The following SEMA5A variants were observed in gnomAD, a reference collection of about 807,000 sequenced individuals.
SEMA5A encodes semaphorin-5A.
Under a neutral mutation model 135.5 loss-of-function variants are expected in SEMA5A, and 55 were observed. The ratio of observed to expected loss-of-function variants is 0.41; its 90% CI spans 0.33 to 0.51. The LOEUF is 0.51. Ranked by LOEUF, SEMA5A falls within the 20% of genes least tolerant of loss-of-function variation. The pLI, the probability that SEMA5A is intolerant of heterozygous loss-of-function variation, is 0.37. For missense variants in SEMA5A, 1,290 were observed against 1,419.9 expected, an observed-to-expected ratio of 0.91 and a Z score of 1.47; for synonymous variants, 580 against 546.5, an observed-to-expected ratio of 1.06 and a Z score of -0.85.
chr5:9,531,283 A>G (rs752078385), intron 1 of SEMA5A, among the ~76,000 whole-genome samples: 3 of 152,040 alleles, frequency 2.0e-5, no homozygotes, highest in Non-Finnish European at 4.4e-5. Context: ...TTTCTTTGGC[A>G]CTCTTGAGAC....
At chr5:9,469,126 A>G (rs1759380113) in intron 1 of SEMA5A, among the ~76,000 whole-genome samples, 1 of 152,112 alleles carries the variant, frequency 6.6e-6, no homozygotes, top group South Asian at 2.1e-4. Flanking sequence ...CTCCTGCCTC[A>G]GCCTCCTGAG....
chr5:9,151,440 A>G (rs551201849), intron 12 of SEMA5A, among the ~76,000 whole-genome samples: 2 of 152,326 alleles, frequency 1.3e-5, no homozygotes, highest in Non-Finnish European at 2.9e-5. Flanking sequence ...TCGTTACCCA[A>G]TTGTTTTCCT....
intron 5 of SEMA5A, among the ~76,000 whole-genome samples, chr5:9,310,885 C>T (rs1752097656): frequency 6.7e-6 from 1 of 149,392 alleles, no homozygotes; most frequent in African/African-American, 2.5e-5. Flanking sequence ...TATATATATA[C>T]ATGAACACAC....
At chr5:9,162,406 A>G (rs34651058) in intron 11 of SEMA5A, among the ~76,000 whole-genome samples, 75 of 104,316 alleles carry the variant, frequency 7.2e-4, no homozygotes, top group East Asian at 3.3e-3. Flanking sequence ...GTGTGTGTGT[A>G]TATATATGTG....
At position 9,545,866 on chromosome 5, in the gene SEMA5A, C is replaced by CG. The variant is rs965934502; in HGVS notation, c.-458dup. ...AAGTTGGGTGTCCAAGCCAGCTCCG[C>CG]GGGGCAGTCCTGGGTGGGAGAAGGG... On this transcript the variant is annotated 5_prime_UTR_variant, in exon 1 of 23. Transcript: ENST00000382496. This position sits in a 1 kb window ranked among gnomAD's most constrained non-coding sequence, Gnocchi z 4.5. 6.6e-6 allele frequency: 1 copy of CG among 152,324 alleles called. No homozygotes were observed. The highest frequency in any genetic ancestry group is 6.5e-5 in the Admixed American group (1 of 15,284). The allele number at this position is 152,324 out of a possible 1,614,324, so 9.4% of individuals were successfully genotyped here.
intron 2 of SEMA5A, among the ~76,000 whole-genome samples, chr5:9,400,843 A>G (rs1213232276): frequency 6.6e-6 from 1 of 152,144 alleles, no homozygotes; most frequent in Non-Finnish European, 1.5e-5. Context: ...AATCAACTCT[A>G]CAATTACTTT....
intron 1 of SEMA5A, among the ~76,000 whole-genome samples, chr5:9,537,008 A>T (rs1737804907): frequency 6.6e-6 from 1 of 152,170 alleles, no homozygotes. Context: ...AAAATCCCAT[A>T]CATCTTAGAG....
At chr5:9,043,140 GT>G (rs763628404) in intron 22 of SEMA5A, 124 bp from the exon 23 acceptor site, 2 of 869,212 alleles carry the variant, frequency 2.3e-6, no homozygotes, top group Non-Finnish European at 3.4e-6. Context: ...TTTAAAATAT[GT>G]TTTCTTATTT....
intron 2 of SEMA5A, among the ~76,000 whole-genome samples, chr5:9,424,345 T>C (rs769909124): frequency 1.3e-4 from 20 of 152,244 alleles, no homozygotes; most frequent in Non-Finnish European, 2.6e-4. Context: ...TTTGAGATTT[T>C]CTGTCACTTT....
chr5:9,322,771 G>A (rs1752687790), intron 4 of SEMA5A, among the ~76,000 whole-genome samples: 2 of 152,106 alleles, frequency 1.3e-5, no homozygotes, highest in Non-Finnish European at 2.9e-5. Flanking sequence ...GTCCCATTAT[G>A]CCTCAAGGCC....
intron 5 of SEMA5A, among the ~76,000 whole-genome samples, chr5:9,259,194 C>T (rs903487742): frequency 6.6e-6 from 1 of 152,208 alleles, no homozygotes; most frequent in Non-Finnish European, 1.5e-5. Context: ...CTTGGAAATA[C>T]AGCTACAATG....
At chr5:9,197,785 T>TGTGTGTATGTG (rs1561011433) in intron 9 of SEMA5A, among the ~76,000 whole-genome samples, 3 of 117,862 alleles carry the variant, frequency 2.5e-5, no homozygotes, top group East Asian at 3.8e-4. Flanking sequence ...TGTGTGTGTG[T>TGTGTGTATGTG]TTTAACCCAG....
intron 11 of SEMA5A, among the ~76,000 whole-genome samples, chr5:9,172,123 G>A (rs1187262954): frequency 6.6e-6 from 1 of 152,148 alleles, no homozygotes. Flanking sequence ...AAGTGTTAGA[G>A]GGTCCCACAG....
intron 12 of SEMA5A, among the ~76,000 whole-genome samples, chr5:9,139,105 T>C (rs1240504981): frequency 1.3e-5 from 2 of 152,196 alleles, no homozygotes; most frequent in Non-Finnish European, 2.9e-5. Context: ...CTCCACCAGA[T>C]AGATACCCAG....
chr5:9,393,989 G>GA (rs1389443411), intron 2 of SEMA5A, among the ~76,000 whole-genome samples: 1 of 151,750 alleles, frequency 6.6e-6, no homozygotes, highest in Non-Finnish European at 1.5e-5. Flanking sequence ...AACGTTGAGA[G>GA]AAAAAAGAAT....
At chr5:9,044,215 C>A (rs1188684284) in intron 22 of SEMA5A, among the ~76,000 whole-genome samples, 158 bp downstream of exon 22, 1 of 152,152 alleles carries the variant, frequency 6.6e-6, no homozygotes, top group Non-Finnish European at 1.5e-5. Flanking sequence ...TTCTCCCAGC[C>A]ACCTGAAGTC....
chr5:9,144,560 C>T (rs1287024963), intron 12 of SEMA5A, among the ~76,000 whole-genome samples: 1 of 152,160 alleles, frequency 6.6e-6, no homozygotes, highest in Non-Finnish European at 1.5e-5. Flanking sequence ...TGAGGTCTGC[C>T]TTGAATGTGG....
rs199793462 is a variant in SEMA5A, at chr5:9,042,963, T to C, written c.3159A>G (p.Pro1053=). ...ILEERNKYFN[P]HLTGKTYSNA... ...TAGAATAGGTCTTCCCAGTGAGATG[T>C]GGGTTGAAGTATTTGTTTCTTTCCT... The change falls in exon 23 of 23, where the codon CCA becomes CCG. Residue 1053 remains proline (P), a synonymous_variant. Coordinates refer to ENST00000382496, the MANE Select transcript of SEMA5A (RefSeq NM_003966.3). 8.5e-5 allele frequency: 137 copies of C among 1,612,934 alleles called. 1 individual carries two copies. In the East Asian group the frequency reaches 3.0e-3, roughly 36 times the overall value.
Position 9,042,596 on chromosome 5 carries a change from C to A in SEMA5A, c.*301G>T. On this transcript the variant is annotated 3_prime_UTR_variant, in exon 23 of 23. Transcript: ENST00000382496. Reference sequence around the variant, plus strand: ...AAGACTCCTTCCAATGTGGGTGGCACATTTATAAAATAATGCTCAAAAAAC... The same window carrying A: ...AAGACTCCTTCCAATGTGGGTGGCAAATTTATAAAATAATGCTCAAAAAAC... The A allele has an allele frequency of 3.0e-6, 1 of 336,222 alleles. No homozygotes were observed. Among genetic ancestry groups the A allele is most frequent in the Non-Finnish European group, 5.5e-6 (1 of 182,452 alleles). 20.8% of individuals were successfully genotyped at this position (336,222 alleles called of 1,614,324 possible).
Sources: allele counts gnomAD v4.1 joint callset (sites outside exome capture counted in the v4.1 genomes callset), GRCh38; gene constraint gnomAD v4.1.1; non-coding constraint Gnocchi (gnomAD v3.1); transcripts MANE v1.5; gene names NCBI Gene and HGNC (gene_info 2026-07-23, HGNC 2026-07-21).